Variants in OR56A3 observed in about 807,000 individuals in gnomAD.
OR56A3 encodes olfactory receptor 56A3.
OR56A3 carries 23 observed loss-of-function variants against 17.5 expected under a neutral mutation model. That is an observed-to-expected ratio of 1.32 (90% CI 0.95 to 1.87). OR56A3 has a LOEUF of 1.87. Ranked by LOEUF, OR56A3 falls within the 40% of genes most tolerant of loss-of-function variation. The pLI, the probability that OR56A3 is intolerant of heterozygous loss-of-function variation, is 0.00. For missense variants in OR56A3, 366 were observed against 380.1 expected (o/e 0.96, Z 0.31); for synonymous variants, 175 against 150.6 (o/e 1.16, Z -1.19).
chr11:5,979,517 A>C, the OR56A3 span, among the ~76,000 whole-genome samples: 1 of 152,122 alleles, frequency 6.6e-6, no homozygotes, highest in African/African-American at 2.4e-5. Flanking sequence ...AGAGATGTTC[A>C]TAATAGTCTC....
the OR56A3 span, among the ~76,000 whole-genome samples, chr11:5,976,781 A>C: frequency 4.0e-5 from 6 of 151,824 alleles, no homozygotes; most frequent in African/African-American, 1.5e-4. Context: ...GATAAATTTC[A>C]TGTCGTAGGG....
At chr11:6,015,626 C>G in the OR56A3 span, among the ~76,000 whole-genome samples, 1 of 152,230 alleles carries the variant, frequency 6.6e-6, no homozygotes, top group Non-Finnish European at 1.5e-5. Context: ...CTTGGGAGCC[C>G]ACCTCTTGCA....
At chr11:5,956,398 C>T in the OR56A3 span, among the ~76,000 whole-genome samples, 1 of 104,676 alleles carries the variant, frequency 9.6e-6, no homozygotes, top group Non-Finnish European at 2.1e-5. Context: ...CTGCACTTTA[C>T]ATGTTTTGGG....
chr11:5,964,028 G>A, the OR56A3 span, among the ~76,000 whole-genome samples: 1 of 151,686 alleles, frequency 6.6e-6, no homozygotes, highest in Admixed American at 6.6e-5. Flanking sequence ...TTTATTCATT[G>A]TAATATTCAG....
the OR56A3 span, among the ~76,000 whole-genome samples, chr11:5,978,960 T>C: frequency 6.6e-6 from 1 of 152,174 alleles, no homozygotes; most frequent in African/African-American, 2.4e-5. Context: ...CTTTTCTGTC[T>C]ATTGAGATGA....
chr11:5,985,817 A>G, the OR56A3 span: 1 of 837,108 alleles, frequency 1.2e-6, no homozygotes, highest in South Asian at 1.9e-5. Flanking sequence ...GCATGGCACT[A>G]GTAAGACTAG....
the OR56A3 span, among the ~76,000 whole-genome samples, chr11:6,012,361 C>G: frequency 3.9e-5 from 6 of 152,148 alleles, no homozygotes; most frequent in Non-Finnish European, 8.8e-5. Flanking sequence ...AACAAATTGT[C>G]AGTTGTCAGC....
the OR56A3 span, among the ~76,000 whole-genome samples, chr11:5,965,623 A>G: frequency 2.0e-5 from 3 of 152,234 alleles, no homozygotes; most frequent in African/African-American, 7.2e-5. Context: ...CATCAAAATA[A>G]CTAAATATGT....
chr11:5,992,274 AG>A, the OR56A3 span, among the ~76,000 whole-genome samples: 3 of 152,132 alleles, frequency 2.0e-5, no homozygotes, highest in African/African-American at 7.2e-5. Flanking sequence ...CCCTCACCAT[AG>A]TTTACTTTTC....
At chr11:5,973,002 A>T in the OR56A3 span, among the ~76,000 whole-genome samples, 2 of 152,202 alleles carry the variant, frequency 1.3e-5, no homozygotes, top group Admixed American at 1.3e-4. Context: ...ACATCATAAG[A>T]TGTTATATTG....
the OR56A3 span, chr11:6,020,790 G>A: frequency 8.5e-5 from 13 of 152,102 alleles, no homozygotes; most frequent in African/African-American, 2.9e-4. Flanking sequence ...TATTTGGATG[G>A]CCTTTATTTC....
At chr11:6,019,088 C>G in the OR56A3 span, among the ~76,000 whole-genome samples, 2 of 151,820 alleles carry the variant, frequency 1.3e-5, no homozygotes, top group Admixed American at 1.3e-4. Context: ...CTTATACTAC[C>G]AAATTTGTAA....
At chr11:5,974,053 C>T in the OR56A3 span, among the ~76,000 whole-genome samples, 1 of 151,222 alleles carries the variant, frequency 6.6e-6, no homozygotes, top group Non-Finnish European at 1.5e-5. Context: ...CTACGTGCTT[C>T]TTATTGATTC....
chr11:6,014,989 C>CAAAAAAAAAAAAAAAAAAAAA, the OR56A3 span, among the ~76,000 whole-genome samples: 3 of 35,200 alleles, frequency 8.5e-5, 1 homozygote, highest in Non-Finnish European at 9.9e-5. Context: ...TATTCATGGG[C>CAAAAAAAAAAAAAAAAAAAAA]AAAAAAAAAA....
At chr11:6,017,983 T>C in the OR56A3 span, among the ~76,000 whole-genome samples, 2 of 152,112 alleles carry the variant, frequency 1.3e-5, no homozygotes, top group African/African-American at 2.4e-5. Context: ...AAGGTCATTA[T>C]ATGATGACAA....
the OR56A3 span, among the ~76,000 whole-genome samples, chr11:5,965,203 T>G: frequency 6.6e-6 from 1 of 152,300 alleles, no homozygotes; most frequent in East Asian, 1.9e-4. Context: ...ATAATAAAAT[T>G]AGTCTCCACA....
At position 5,951,141 on chromosome 11, in the gene OR56A3, G is replaced by C. The variant is rs1206912593; in HGVS notation, c.*2847G>C. ...GAAGTTTTAGTTACTGGGTTTTTAA[G>C]ACATATGGTCCTGAAATCCCACAGT... On this transcript the variant is annotated 3_prime_UTR_variant, in exon 3 of 3. Coordinates refer to ENST00000641160, the MANE Select transcript of OR56A3 (RefSeq NM_001003443.3). 1 of 151,992 alleles carries C rather than the reference G, an allele frequency of 6.6e-6. No homozygotes were observed. Among genetic ancestry groups the C allele is most frequent in the Non-Finnish European group, 1.5e-5 (1 of 67,936 alleles). 9.4% of individuals were successfully genotyped at this position (151,992 alleles called of 1,614,324 possible).
chr11:6,008,946 C>T, the OR56A3 span, among the ~76,000 whole-genome samples: 1 of 151,800 alleles, frequency 6.6e-6, no homozygotes, highest in Non-Finnish European at 1.5e-5. Flanking sequence ...TCATCTAATC[C>T]GAATATTAAC....
the OR56A3 span, among the ~76,000 whole-genome samples, chr11:6,011,330 A>C: frequency 6.6e-6 from 1 of 152,012 alleles, no homozygotes; most frequent in Non-Finnish European, 1.5e-5. Flanking sequence ...TCATATACTA[A>C]TGTAATGGAC....
Sources: allele counts gnomAD v4.1 joint callset (sites outside exome capture counted in the v4.1 genomes callset), GRCh38; gene constraint gnomAD v4.1.1; transcripts MANE v1.5; gene names NCBI Gene and HGNC (gene_info 2026-07-23, HGNC 2026-07-21).